The following ELAVL3 variants were observed in gnomAD, a reference collection of about 807,000 sequenced individuals.
ELAVL3 encodes ELAV-like protein 3.
A neutral mutation model predicts 34.2 loss-of-function variants in ELAVL3; 8 were observed. That is an observed-to-expected ratio of 0.23 (90% CI 0.14 to 0.42). The LOEUF is 0.42. Among genes scored for constraint, ELAVL3 ranks in the 10% least tolerant of loss-of-function variants. ELAVL3 has a pLI of 1.00. For missense variants in ELAVL3, 273 were observed against 518.8 expected (o/e 0.53, Z 4.60); for synonymous variants, 209 against 222.1 (o/e 0.94, Z 0.53).
chr19:11,469,291 G>A (rs28498052), intron 1 of ELAVL3, among the ~76,000 whole-genome samples: 18,835 of 150,996 alleles, frequency 0.12, 1,987 homozygotes, highest in African/African-American at 0.29. Flanking sequence ...TTTTTTGCGC[G>A]GGAGGGGGGA....
intron 1 of ELAVL3, among the ~76,000 whole-genome samples, chr19:11,469,668 T>C (rs768354302): frequency 3.3e-5 from 5 of 152,234 alleles, no homozygotes; most frequent in Non-Finnish European, 7.3e-5. Flanking sequence ...ATACATTGCT[T>C]GATTTAATTT....
chr19:11,461,677 A>T (rs1199590230), intron 3 of ELAVL3, among the ~76,000 whole-genome samples: 1 of 151,944 alleles, frequency 6.6e-6, no homozygotes, highest in Non-Finnish European at 1.5e-5. Flanking sequence ...GGTTCACCAC[A>T]GCCTTGACCC....
intron 3 of ELAVL3, among the ~76,000 whole-genome samples, chr19:11,459,514 G>A (rs148384195): frequency 0.14 from 20,982 of 151,330 alleles, 2,073 homozygotes; most frequent in African/African-American, 0.27. Flanking sequence ...TGATCCGCCC[G>A]CCTCCGCCTC....
At chr19:11,477,355 G>A (rs185800050) in intron 1 of ELAVL3, among the ~76,000 whole-genome samples, 18 of 152,198 alleles carry the variant, frequency 1.2e-4, no homozygotes, top group South Asian at 2.1e-4. Flanking sequence ...GTAGTGGTAC[G>A]ATCATGGCTC....
intron 1 of ELAVL3, among the ~76,000 whole-genome samples, chr19:11,477,344 T>C (rs895152247): frequency 6.6e-6 from 1 of 152,122 alleles, no homozygotes; most frequent in Admixed American, 6.6e-5. Flanking sequence ...CAGTCTAGAG[T>C]GTAGTGGTAC....
Position 11,458,079 on chromosome 19 carries a change from T to C in ELAVL3, c.695A>G (p.His232Arg). The C allele has an allele frequency of 1.2e-6, 2 of 1,613,084 alleles. No homozygotes were observed. Among genetic ancestry groups the C allele is most frequent in the Non-Finnish European group, 1.7e-6 (2 of 1,179,998 alleles). ...GGCTCACCGGAAACGCTGGGTCTGA[T>C]GGTGTAGGGGGCCTGCGTAGCGCCG... ...SARRYAGPLH[H>R]QTQRFRLDNL... Residue 232 changes from histidine to arginine, a missense_variant, in exon 5 of 7, where the codon CAT becomes CGT. This residue lies in a region of ELAVL3 where 79 missense variants were observed against 108.2 expected (regional missense o/e 0.73). Transcript: ENST00000359227. This position sits in a 1 kb window ranked among gnomAD's most constrained non-coding sequence, Gnocchi z 7.3.
intron 3 of ELAVL3, among the ~76,000 whole-genome samples, chr19:11,459,060 G>T (rs901621918): frequency 6.6e-6 from 1 of 150,536 alleles, no homozygotes; most frequent in African/African-American, 2.4e-5. Context: ...CAATCCTACC[G>T]CCTAAGCCCC....
chr19:11,465,982 G>A (rs10404693), intron 3 of ELAVL3, among the ~76,000 whole-genome samples, 190 bp downstream of exon 3: 15,061 of 152,060 alleles, frequency 0.099, 2,292 homozygotes, highest in African/African-American at 0.32. Context: ...AGGAAACTGA[G>A]GTTTAGAGAG....
intron 6 of ELAVL3, among the ~76,000 whole-genome samples, chr19:11,455,175 T>C (rs139250004): frequency 2.3e-4 from 35 of 152,158 alleles, no homozygotes; most frequent in African/African-American, 8.2e-4. Flanking sequence ...ATTTTTTTTA[T>C]GATTTGTGGT....
intron 3 of ELAVL3, among the ~76,000 whole-genome samples, chr19:11,464,697 TACAC>T (rs1970978802): frequency 6.7e-5 from 5 of 74,166 alleles, no homozygotes; most frequent in African/African-American, 2.3e-4. Context: ...CCCACACACA[TACAC>T]CACACACACC....
At chr19:11,473,551 C>T (rs980642058) in intron 1 of ELAVL3, among the ~76,000 whole-genome samples, 1 of 152,210 alleles carries the variant, frequency 6.6e-6, no homozygotes, top group Non-Finnish European at 1.5e-5. Context: ...CAAATATTGG[C>T]TACTACTGTG....
chr19:11,475,208 T>C (rs1971241054), intron 1 of ELAVL3, among the ~76,000 whole-genome samples: 1 of 152,220 alleles, frequency 6.6e-6, no homozygotes, highest in Admixed American at 6.5e-5. Flanking sequence ...TGAGGCATAT[T>C]TTCAGTTACT....
chr19:11,455,004 A>AT (rs113970226), intron 6 of ELAVL3, 127 bp from the exon 7 acceptor site: 72,288 of 763,708 alleles, frequency 0.095, no homozygotes, highest in Middle Eastern at 0.13. Context: ...CTGCAATGCA[A>AT]TTTTTTTTTT....
rs534660764 is a variant in ELAVL3, at chr19:11,453,088, G to C, written c.*1438C>G. On this transcript the variant is annotated 3_prime_UTR_variant, in exon 7 of 7. Transcript: ENST00000359227. ...GCCGGGGAGGCCCAGTCCTGGTGGGGGAGGCTCAGGGCTGGGCCTCTCCCT... is the reference window on the plus strand; with the variant it reads ...GCCGGGGAGGCCCAGTCCTGGTGGGCGAGGCTCAGGGCTGGGCCTCTCCCT... 6.6e-6 allele frequency: 1 copy of C among 152,140 alleles called. No homozygotes were observed. The highest frequency in any genetic ancestry group is 1.5e-5 in the Non-Finnish European group (1 of 68,012). 9.4% of individuals were successfully genotyped at this position (152,140 alleles called of 1,614,324 possible).
rs756001334 is a variant in ELAVL3, at chr19:11,466,642, G to A, written c.195C>T (p.Ile65=). The stretch of plus-strand genomic sequence containing the variant: ...TGTCCCGAACCAACTTGCAGGACTC[G>A]ATGTCGCCAATGCTGCCGAAGAGAC... ...FKSLFGSIGD[I]ESCKLVRDKI... is the part of the protein sequence containing the mutation. The change falls in exon 2 of 7, where the codon ATC becomes ATT. Residue 65 remains isoleucine, a synonymous_variant. Coordinates refer to ENST00000359227, the MANE Select transcript of ELAVL3 (RefSeq NM_001420.4). The surrounding 1 kb of genome is among the most constrained non-coding windows in gnomAD (Gnocchi z 5.0). The A allele has an allele frequency of 6.8e-6, 11 of 1,614,096 alleles. No homozygotes were observed. Among genetic ancestry groups the A allele is most frequent in the South Asian group, 2.2e-5 (2 of 91,082 alleles).
Position 11,466,490 on chromosome 19 carries a change from A to G in ELAVL3, c.229+118T>C. On this transcript the variant is annotated intron_variant, in intron 2 of 6. Transcript: ENST00000359227. The surrounding 1 kb of genome is among the most constrained non-coding windows in gnomAD (Gnocchi z 5.0). ...TCCCCATCAGACCTCACATCCCTAG[A>G]CCACCTCCTGCCTCGATTACCCCCG... The G allele has an allele frequency of 1.2e-5, 15 of 1,243,108 alleles. No individual in the cohort carries two copies. Among genetic ancestry groups the G allele is most frequent in the Non-Finnish European group, 1.6e-5 (14 of 872,142 alleles). 77.0% of individuals were successfully genotyped at this position (1,243,108 alleles called of 1,614,324 possible).
chr19:11,477,757 A>C (rs1254466675), intron 1 of ELAVL3, among the ~76,000 whole-genome samples: 1 of 145,202 alleles, frequency 6.9e-6, no homozygotes, highest in African/African-American at 2.6e-5. Context: ...CAATGGCATG[A>C]TCTTGGCTCA....
intron 6 of ELAVL3, among the ~76,000 whole-genome samples, chr19:11,455,635 G>A (rs772206287): frequency 1.3e-5 from 2 of 151,762 alleles, no homozygotes; most frequent in African/African-American, 2.4e-5. Context: ...GTCTCGCTGC[G>A]TTAGCCAGGC....
In ELAVL3 at chr19:11,480,585, C is replaced by G; in HGVS notation, c.9+15G>C. On this transcript the variant is annotated intron_variant, in intron 1 of 6. Transcript: ENST00000359227. The surrounding 1 kb of genome is among the most constrained non-coding windows in gnomAD (Gnocchi z 6.8). ...CCCCGTCCCGATTCCCTTTCGGCGA[C>G]AGGGGAATACCTACAGTGACCATTC... is the stretch of plus-strand genomic sequence containing the variant. 7 of 1,506,526 alleles carry G rather than the reference C, an allele frequency of 4.6e-6. No homozygotes were observed. The highest frequency in any genetic ancestry group is 6.2e-6 in the Non-Finnish European group (7 of 1,128,336). 93.3% of individuals were successfully genotyped at this position (1,506,526 alleles called of 1,614,324 possible). A position where few individuals can be genotyped will look rare whatever the true frequency, so the allele number is the denominator to read the frequency against.
Sources: gnomAD v4.1 joint callset for allele counts (sites outside exome capture counted in the v4.1 genomes callset) on GRCh38, gnomAD v4.1.1 for gene constraint, gnomAD v4.1.1 regional missense constraint, Gnocchi (gnomAD v3.1) non-coding constraint, MANE v1.5 for transcripts, NCBI Gene and HGNC (gene_info 2026-07-23, HGNC 2026-07-21) for gene names.